CLRN1: variants seen among roughly 807,000 people sequenced by gnomAD.
CLRN1 encodes clarin 1.
A neutral mutation model predicts 18.7 loss-of-function variants in CLRN1; 15 were observed. The observed-to-expected ratio is 0.80, with a 90% CI of 0.54 to 1.23. The LOEUF is 1.23. Ranked by LOEUF, CLRN1 falls within the 50% of genes most tolerant of loss-of-function variation. The pLI is 0.00. For missense variants in CLRN1, 311 were observed against 277.5 expected (o/e 1.12, Z -0.86); for synonymous variants, 104 against 102.9 (o/e 1.01, Z -0.07).
At chr3:150,946,704 C>CTTTTTTTTTTTTTTTTTTT (rs34471891) in intron 1 of CLRN1, among the ~76,000 whole-genome samples, 2 of 110,720 alleles carry the variant, frequency 1.8e-5, no homozygotes, top group Non-Finnish European at 1.9e-5. Flanking sequence ...CAGACCATTT[C>CTTTTTTTTTTTTTTTTTTT]TTTTTTTTTT....
Position 150,972,384 on chromosome 3 carries a change from A to G in CLRN1, c.253+72T>C, listed in dbSNP as rs1175384668. 3 of 1,608,346 alleles carry G rather than the reference A, an allele frequency of 1.9e-6. No homozygotes were observed. In the East Asian group the frequency reaches 6.7e-5, roughly 36 times the overall value. ...TGCAGTAAACACGGCAAAATTCTCA[A>G]ATATAATTCCTCGCAACACTGGGAA... On this transcript the variant is annotated intron_variant, in intron 1 of 2. Coordinates refer to ENST00000327047, the MANE Select transcript of CLRN1 (RefSeq NM_174878.3).
At chr3:150,932,157 C>T (rs1379810474) in intron 2 of CLRN1, among the ~76,000 whole-genome samples, 3 of 152,020 alleles carry the variant, frequency 2.0e-5, no homozygotes, top group Non-Finnish European at 4.4e-5. Flanking sequence ...AATTAACAAA[C>T]GTTTGTAATG....
intron 1 of CLRN1, among the ~76,000 whole-genome samples, chr3:150,968,033 T>A (rs531170469): frequency 6.6e-6 from 1 of 152,326 alleles, no homozygotes; most frequent in South Asian, 2.1e-4. Context: ...CTTTTCAAAG[T>A]ATGACTAAAG....
At chr3:150,933,869 C>T (rs1050493299) in intron 2 of CLRN1, among the ~76,000 whole-genome samples, 1 of 152,198 alleles carries the variant, frequency 6.6e-6, no homozygotes, top group Non-Finnish European at 1.5e-5. Context: ...GAATGAAATT[C>T]TTTGCCCATT....
At chr3:150,968,178 A>G (rs1715353217) in intron 1 of CLRN1, among the ~76,000 whole-genome samples, 1 of 152,180 alleles carries the variant, frequency 6.6e-6, no homozygotes, top group Admixed American at 6.5e-5. Flanking sequence ...TTGATACCAT[A>G]TGATTCTTGG....
intron 2 of CLRN1, among the ~76,000 whole-genome samples, chr3:150,930,358 T>A (rs1043091895): frequency 1.3e-5 from 2 of 151,714 alleles, no homozygotes; most frequent in African/African-American, 4.8e-5. Context: ...GATTTGGGGG[T>A]AGGAATGAGG....
intron 1 of CLRN1, among the ~76,000 whole-genome samples, chr3:150,968,335 T>C (rs746838478): frequency 3.3e-5 from 5 of 152,156 alleles, no homozygotes; most frequent in Non-Finnish European, 7.4e-5. Flanking sequence ...ACAGGTGACA[T>C]ATCAAGAAAA....
chr3:150,972,147 A>T (rs1433765637), intron 1 of CLRN1, among the ~76,000 whole-genome samples: 3 of 152,184 alleles, frequency 2.0e-5, no homozygotes, highest in Non-Finnish European at 4.4e-5. Context: ...TATTTCCCCA[A>T]GTTTACTTTT....
chr3:150,972,448 C>T lies in CLRN1; in HGVS notation c.253+8G>A. 6.2e-7 allele frequency: 1 copy of T among 1,614,168 alleles called. No homozygotes were observed. Among genetic ancestry groups the T allele is most frequent in the Non-Finnish European group, 8.5e-7 (1 of 1,180,042 alleles). The stretch of plus-strand genomic sequence containing the variant: ...GCATTAAATAACTCAAATGCAATTG[C>T]TACTTACATGAGAACCGAAAGGGCC... On this transcript the variant is annotated splice_region_variant and intron_variant, in intron 1 of 2. Coordinates refer to ENST00000327047, the MANE Select transcript of CLRN1 (RefSeq NM_174878.3).
rs368979879 is a variant in CLRN1, at chr3:150,927,964, G to A, written c.671C>T (p.Thr224Ile). 21 of 1,614,042 alleles carry A rather than the reference G, an allele frequency of 1.3e-5. No homozygotes were observed. In the Admixed American group the frequency reaches 1.5e-4, roughly 12 times the overall value. ...PFAKSKDAET[T>I]NVAADLMY is the part of the protein sequence containing the mutation. ...GTACATTAGATCTGCAGCTACATTAGTTGTTTCTGCGTCTTTAGATTTTGC... is the reference window on the plus strand; with the variant it reads ...GTACATTAGATCTGCAGCTACATTAATTGTTTCTGCGTCTTTAGATTTTGC... Residue 224 changes from threonine (T) to isoleucine (I), a missense_variant, in exon 3 of 3, where the codon ACT becomes ATT. Physicochemically the swap from Thr to Ile is moderately conservative, Grantham distance 89. Coordinates refer to ENST00000327047, the MANE Select transcript of CLRN1 (RefSeq NM_174878.3).
chr3:150,961,434 C>A (rs987159602), intron 1 of CLRN1, among the ~76,000 whole-genome samples: 1 of 152,172 alleles, frequency 6.6e-6, no homozygotes, highest in Admixed American at 6.5e-5. Context: ...AGTTATGGAC[C>A]ACTGATCTAA....
intron 1 of CLRN1, chr3:150,945,426 C>G: frequency 9.4e-7 from 1 of 1,065,420 alleles, no homozygotes; most frequent in East Asian, 6.1e-5. Flanking sequence ...ACACTCTACT[C>G]CTGACCACAT....
chr3:150,965,840 A>G (rs551285227), intron 1 of CLRN1, among the ~76,000 whole-genome samples: 1 of 152,368 alleles, frequency 6.6e-6, no homozygotes, highest in South Asian at 2.1e-4. Flanking sequence ...TAATTCTTGA[A>G]CAATGTTGAT....
intron 1 of CLRN1, among the ~76,000 whole-genome samples, chr3:150,951,377 G>A (rs978443642): frequency 2.0e-5 from 3 of 151,874 alleles, no homozygotes; most frequent in Non-Finnish European, 4.4e-5. Context: ...TCACTCCATT[G>A]CCCAGGCTGG....
At chr3:150,936,741 C>A (rs1295334952) in intron 2 of CLRN1, among the ~76,000 whole-genome samples, 1 of 152,048 alleles carries the variant, frequency 6.6e-6, no homozygotes, top group East Asian at 1.9e-4. Flanking sequence ...TGTTTAGGGT[C>A]CAACATTAAC....
chr3:150,949,277 AT>A (rs1015931725), intron 1 of CLRN1, among the ~76,000 whole-genome samples: 170 of 152,318 alleles, frequency 1.1e-3, no homozygotes, highest in African/African-American at 4.0e-3. Context: ...AGGTGGAAGC[AT>A]TCTCCCTGAA....
intron 1 of CLRN1, among the ~76,000 whole-genome samples, chr3:150,962,602 A>G (rs1280356897): frequency 6.6e-6 from 1 of 152,134 alleles, no homozygotes; most frequent in Non-Finnish European, 1.5e-5. Flanking sequence ...TGTTCATGCC[A>G]CCTCAGGAAA....
At chr3:150,938,865 C>T (rs1248444620) in intron 2 of CLRN1, among the ~76,000 whole-genome samples, 1 of 152,188 alleles carries the variant, frequency 6.6e-6, no homozygotes, top group Non-Finnish European at 1.5e-5. Flanking sequence ...CTCAGGTTCT[C>T]CTTGCATTAG....
intron 1 of CLRN1, among the ~76,000 whole-genome samples, chr3:150,968,307 C>T (rs574642496): frequency 1.3e-5 from 2 of 152,260 alleles, no homozygotes; most frequent in South Asian, 2.1e-4. Flanking sequence ...AGAGTTTAAA[C>T]ATCATCATTA....
Sources: gnomAD v4.1 joint callset for allele counts (sites outside exome capture counted in the v4.1 genomes callset) on GRCh38, gnomAD v4.1.1 for gene constraint, MANE v1.5 for transcripts, NCBI Gene and HGNC (gene_info 2026-07-23, HGNC 2026-07-21) for gene names.